The following PHACTR1 variants were observed in gnomAD, a reference collection of about 807,000 sequenced individuals.
PHACTR1 encodes RPEL repeat containing 1.
In PHACTR1, 16 loss-of-function variants were observed where a neutral mutation model predicts 69.2. The ratio of observed to expected loss-of-function variants is 0.23; its 90% CI spans 0.16 to 0.35. The LOEUF is 0.35. Ranked by LOEUF, PHACTR1 falls within the 10% of genes least tolerant of loss-of-function variation. The probability of loss-of-function intolerance (pLI) is 1.00; values close to 1 mark genes in which losing one functional copy is unlikely to be tolerated. For synonymous variants in PHACTR1, 312 were observed against 284.5 expected (o/e 1.10, Z -0.97); for missense variants, 510 against 734.7 (o/e 0.69, Z 3.54).
intron 4 of PHACTR1, among the ~76,000 whole-genome samples, chr6:12,983,810 C>T (rs545588408): frequency 2.0e-5 from 3 of 152,102 alleles, no homozygotes; most frequent in Non-Finnish European, 4.4e-5. Context: ...GGTTTTCTGT[C>T]CTTGCGATAG....
intron 4 of PHACTR1, among the ~76,000 whole-genome samples, chr6:12,866,532 T>TA (rs1561959710): frequency 1.3e-5 from 2 of 152,050 alleles, no homozygotes; most frequent in African/African-American, 2.4e-5. Context: ...TTTTTTTTTT[T>TA]ATGTCAGAAA....
intron 7 of PHACTR1, among the ~76,000 whole-genome samples, chr6:13,204,096 A>G (rs573342822): frequency 6.6e-6 from 1 of 152,284 alleles, no homozygotes; most frequent in African/African-American, 2.4e-5. Context: ...GTTATTTCCA[A>G]CTGGGGGAAC....
intron 8 of PHACTR1, among the ~76,000 whole-genome samples, chr6:13,210,931 T>C (rs976565577): frequency 2.1e-5 from 3 of 140,110 alleles, no homozygotes; most frequent in Non-Finnish European, 4.6e-5. Context: ...TTTTTTTTTT[T>C]TTGCATTGAG....
At chr6:13,278,079 T>C in intron 11 of PHACTR1, 189 bp from the exon 12 acceptor site, 1 of 503,964 alleles carries the variant, frequency 2.0e-6, no homozygotes, top group South Asian at 2.9e-5. Flanking sequence ...CAGTAGCAAT[T>C]TGAAACAACG....
At position 13,287,047 on chromosome 6, in the gene PHACTR1, T is replaced by C. The variant is rs1318627377; in HGVS notation, c.1728-16T>C. 2 of 1,607,666 alleles carry C rather than the reference T, an allele frequency of 1.2e-6. No individual in the cohort carries two copies. The highest frequency in any genetic ancestry group is 1.7e-6 in the Non-Finnish European group (2 of 1,176,814). On this transcript the variant is annotated splice_polypyrimidine_tract_variant and intron_variant, in intron 14 of 14. Coordinates refer to ENST00000332995, the MANE Select transcript of PHACTR1 (RefSeq NM_030948.6). The stretch of plus-strand genomic sequence containing the variant: ...TGGCAGCCCCTTGGTCTTGATGTAA[T>C]TGTTTGTTTCCTTAGGTTTCACCGA...
intron 4 of PHACTR1, among the ~76,000 whole-genome samples, chr6:13,043,520 G>A (rs1198468398): frequency 6.6e-6 from 1 of 152,198 alleles, no homozygotes; most frequent in African/African-American, 2.4e-5. Context: ...GGCCATGCAG[G>A]CCAGATGCTT....
chr6:13,259,009 G>T (rs12192056), intron 10 of PHACTR1, among the ~76,000 whole-genome samples: 69,474 of 152,030 alleles, frequency 0.46, 18,698 homozygotes, highest in Non-Finnish European at 0.63. Flanking sequence ...TAAGCTAAAG[G>T]TGACCAAATC....
chr6:12,845,429 A>ACCCC (rs1214194071), intron 4 of PHACTR1, among the ~76,000 whole-genome samples: 1 of 18,062 alleles, frequency 5.5e-5, no homozygotes, highest in Non-Finnish European at 9.9e-5. Flanking sequence ...AACACCACCC[A>ACCCC]CCCCCCCCCC....
chr6:12,794,591 C>G (rs1214313536), intron 4 of PHACTR1, among the ~76,000 whole-genome samples: 1 of 152,202 alleles, frequency 6.6e-6, no homozygotes, highest in Non-Finnish European at 1.5e-5. Context: ...TGATATATAT[C>G]TAAAATAGTA....
Position 13,269,384 on chromosome 6 carries a change from C to T in PHACTR1, c.1392-3476C>T, listed in dbSNP as rs146364690. On this transcript the variant is annotated intron_variant, in intron 10 of 14. Transcript: ENST00000332995. ...CCGGCTCACTCAGTTGCATAATCAT[C>T]GCTTTCCTCCTGCAGCGTGAGAATG... Among the ~76,000 whole-genome samples, 221 of 152,338 alleles carry T rather than the reference C, an allele frequency of 1.5e-3. 1 individual carries two copies. The highest frequency in any genetic ancestry group is 4.7e-3 in the African/African-American group (196 of 41,574).
At chr6:12,944,057 A>G (rs982108965) in intron 4 of PHACTR1, among the ~76,000 whole-genome samples, 1 of 152,236 alleles carries the variant, frequency 6.6e-6, no homozygotes, top group Non-Finnish European at 1.5e-5. Context: ...CAGTGTTCTT[A>G]CTACATTGCA....
intron 5 of PHACTR1, among the ~76,000 whole-genome samples, chr6:13,062,783 GTGGGA>G (rs1279607049): frequency 6.6e-6 from 1 of 152,218 alleles, no homozygotes; most frequent in African/African-American, 2.4e-5. Context: ...TCTTTGTAGT[GTGGGA>G]TGGAAAATTA....
At chr6:12,795,507 A>C (rs1772871034) in intron 4 of PHACTR1, among the ~76,000 whole-genome samples, 1 of 152,210 alleles carries the variant, frequency 6.6e-6, no homozygotes, top group African/African-American at 2.4e-5. Context: ...TTCACCAATG[A>C]GTTGGGAACC....
intron 4 of PHACTR1, among the ~76,000 whole-genome samples, chr6:12,959,176 C>CAAAAAAAAAAAAAAAAAAAAAAAAAAAA (rs70989814): frequency 1.9e-4 from 9 of 46,216 alleles, no homozygotes; most frequent in Admixed American, 2.7e-4. Flanking sequence ...GACTTTATCT[C>CAAAAAAAAAAAAAAAAAAAAAAAAAAAA]AAAAAAAAAA....
rs1221828073 is a variant in PHACTR1 at position 13,133,737 on chromosome 6, C to T, written c.416-26467C>T. Reference sequence around the variant, plus strand: ...GCCACCCCGTCTGGGAAGTGAGGAGCGTCTCTGCCTGGCCGCCCATCGTCT... The same window carrying T: ...GCCACCCCGTCTGGGAAGTGAGGAGTGTCTCTGCCTGGCCGCCCATCGTCT... On this transcript the variant is annotated intron_variant, in intron 5 of 14. Transcript: ENST00000332995. Among the ~76,000 whole-genome samples the T allele has an allele frequency of 2.6e-5, 4 of 151,738 alleles. No homozygotes were observed. The East Asian group carries it at 7.9e-4, about 30-fold the overall frequency.
chr6:12,945,334 G>T (rs1335076980), intron 4 of PHACTR1, among the ~76,000 whole-genome samples: 2 of 152,110 alleles, frequency 1.3e-5, no homozygotes, highest in Admixed American at 6.6e-5. Context: ...GCATTTTGTG[G>T]TTATTGCATG....
intron 8 of PHACTR1, among the ~76,000 whole-genome samples, chr6:13,218,789 G>T (rs1768073729): frequency 6.6e-6 from 1 of 150,748 alleles, no homozygotes; most frequent in East Asian, 2.0e-4. Context: ...AGAAGAAGAA[G>T]AAGGAGGAGG....
At chr6:13,217,331 C>T (rs1330603056) in intron 8 of PHACTR1, among the ~76,000 whole-genome samples, 1 of 152,170 alleles carries the variant, frequency 6.6e-6, no homozygotes, top group Non-Finnish European at 1.5e-5. Context: ...AGCTGGGACT[C>T]GCACCATTCT....
chr6:12,958,103 GT>G, intron 4 of PHACTR1: 1 of 865,270 alleles, frequency 1.2e-6, no homozygotes, highest in South Asian at 5.3e-5. Flanking sequence ...TTTTGTATTG[GT>G]TTTATGCTTT....
Sources: gnomAD v4.1 joint callset for allele counts (sites outside exome capture counted in the v4.1 genomes callset) on GRCh38, gnomAD v4.1.1 for gene constraint, MANE v1.5 for transcripts, NCBI Gene and HGNC (gene_info 2026-07-23, HGNC 2026-07-21) for gene names.